FHOD3: variants seen among roughly 807,000 people sequenced by gnomAD.
FHOD3 encodes the protein FH1/FH2 domain-containing protein 3.
FHOD3 carries 90 observed loss-of-function variants against 173.0 expected under a neutral mutation model. The ratio of observed to expected loss-of-function variants is 0.52; its 90% CI spans 0.44 to 0.62. The LOEUF is 0.62. Among genes scored for constraint, FHOD3 ranks in the 20% least tolerant of loss-of-function variants. The probability of loss-of-function intolerance (pLI) is 0.00; values close to 1 mark genes in which losing one functional copy is unlikely to be tolerated. For missense variants in FHOD3, 1,945 were observed against 2,034.7 expected (o/e 0.96, Z 0.85); for synonymous variants, 828 against 823.0 (o/e 1.01, Z -0.10).
intron 3 of FHOD3, among the ~76,000 whole-genome samples, chr18:36,458,429 C>T (rs1419313333): frequency 6.6e-6 from 1 of 152,144 alleles, no homozygotes; most frequent in African/African-American, 2.4e-5. Context: ...TCCAACCACT[C>T]ACCTACCCTT....
At chr18:36,334,345 G>A (rs1257766585) in intron 1 of FHOD3, among the ~76,000 whole-genome samples, 1 of 152,218 alleles carries the variant, frequency 6.6e-6, no homozygotes, top group African/African-American at 2.4e-5. Context: ...ACACTGACAT[G>A]AGCAGCCTCT....
intron 10 of FHOD3, among the ~76,000 whole-genome samples, chr18:36,628,629 A>G (rs919604649): frequency 1.8e-4 from 27 of 152,236 alleles, no homozygotes; most frequent in African/African-American, 6.5e-4. Context: ...TCATTGGTCA[A>G]CTAAAAGCAT....
At chr18:36,380,562 CTTTT>C (rs1275432454) in intron 3 of FHOD3, among the ~76,000 whole-genome samples, 6 of 101,552 alleles carry the variant, frequency 5.9e-5, no homozygotes, top group African/African-American at 2.3e-4. Flanking sequence ...GTTTTCTTTT[CTTTT>C]CTTTTCTTTT....
At chr18:36,311,876 C>T (rs1251750762) in intron 1 of FHOD3, among the ~76,000 whole-genome samples, 1 of 152,210 alleles carries the variant, frequency 6.6e-6, no homozygotes, top group Non-Finnish European at 1.5e-5. Context: ...CCCTTTTCCA[C>T]TGTGTCTTCA....
intron 3 of FHOD3, among the ~76,000 whole-genome samples, chr18:36,468,275 C>T (rs976312257): frequency 3.9e-5 from 6 of 152,282 alleles, no homozygotes; most frequent in East Asian, 1.9e-4. Context: ...CCTCTCCCCT[C>T]GCCTGGGTAA....
At chr18:36,362,648 G>T (rs1304790681) in intron 2 of FHOD3, among the ~76,000 whole-genome samples, 2 of 152,090 alleles carry the variant, frequency 1.3e-5, no homozygotes, top group Admixed American at 1.3e-4. Context: ...CAGGTGAGGA[G>T]AGGACCAGTC....
At chr18:36,315,930 C>G (rs1469550853) in intron 1 of FHOD3, among the ~76,000 whole-genome samples, 7 of 152,134 alleles carry the variant, frequency 4.6e-5, no homozygotes, top group Admixed American at 3.3e-4. Flanking sequence ...AGTGGCAGCT[C>G]TCTGCCCGCT....
chr18:36,456,909 T>C (rs1279001719), intron 3 of FHOD3, among the ~76,000 whole-genome samples: 1 of 152,160 alleles, frequency 6.6e-6, no homozygotes, highest in Non-Finnish European at 1.5e-5. Context: ...GTCTAAGTAT[T>C]CACCTTTTAA....
chr18:36,663,703 T>C (rs1266794228), intron 14 of FHOD3, among the ~76,000 whole-genome samples: 1 of 152,242 alleles, frequency 6.6e-6, no homozygotes, highest in East Asian at 1.9e-4. Context: ...TTATGGAGAC[T>C]TCTCCCTCAG....
At chr18:36,528,803 GTACAGCTCTGCCC>G (rs2056648390) in intron 5 of FHOD3, among the ~76,000 whole-genome samples, 1 of 152,214 alleles carries the variant, frequency 6.6e-6, no homozygotes, top group South Asian at 2.1e-4. Context: ...GACGTTCGTT[GTACAGCTCTGCCC>G]TTTTAGAAAA....
intron 5 of FHOD3, among the ~76,000 whole-genome samples, chr18:36,539,625 G>A (rs187857644): frequency 6.6e-6 from 1 of 152,352 alleles, no homozygotes; most frequent in Admixed American, 6.5e-5. Context: ...TCTTGGCCAA[G>A]TTGTGATGAA....
At chr18:36,728,711 G>T (rs1419985151) in intron 19 of FHOD3, among the ~76,000 whole-genome samples, 2 of 152,176 alleles carry the variant, frequency 1.3e-5, no homozygotes, top group Admixed American at 1.3e-4. Flanking sequence ...CTGGGCTTGA[G>T]CCTGTTTCTC....
In FHOD3 at chr18:36,462,504, T is replaced by C. The variant is rs2144766825; in HGVS notation, c.338-39428T>C. 1.3e-5 allele frequency among the ~76,000 whole-genome samples: 2 copies of C among 152,264 alleles called. 1 individual carries two copies. Among genetic ancestry groups the C allele is most frequent in the Admixed American group, 1.3e-4 (2 of 15,294 alleles). ...CTGCCACCACGCCCAGCTAATTTTT[T>C]GTGTTTTTAGTAGAGATGGGGTTTC... On this transcript the variant is annotated intron_variant, in intron 3 of 28. Coordinates refer to ENST00000590592, the MANE Select transcript of FHOD3 (RefSeq NM_001281740.3).
At chr18:36,735,513 G>A (rs1450459286) in intron 20 of FHOD3, among the ~76,000 whole-genome samples, 6 of 152,198 alleles carry the variant, frequency 3.9e-5, no homozygotes, top group African/African-American at 4.8e-5. Flanking sequence ...CTCTAGCTCC[G>A]CCTTGGTGGA....
intron 20 of FHOD3, among the ~76,000 whole-genome samples, chr18:36,732,424 G>A (rs532054393): frequency 6.6e-6 from 1 of 152,302 alleles, no homozygotes; most frequent in Non-Finnish European, 1.5e-5. Context: ...TACAATAAGG[G>A]AAATGCACTT....
At chr18:36,621,648 G>A (rs2033719598) in intron 9 of FHOD3, among the ~76,000 whole-genome samples, 1 of 152,196 alleles carries the variant, frequency 6.6e-6, no homozygotes. Context: ...TGTGCATCAT[G>A]TTTGTTGATG....
Position 36,297,787 on chromosome 18 carries a change from C to G in FHOD3, c.-49C>G. On this transcript the variant is annotated 5_prime_UTR_variant, in exon 1 of 29. Coordinates refer to ENST00000590592, the MANE Select transcript of FHOD3 (RefSeq NM_001281740.3). Reference sequence around the variant, plus strand: ...GCGCAGCTACCCGGGCGTCCCGGCCCGCGGCCCCGCTAACCCCGGGGCCCG... The same window carrying G: ...GCGCAGCTACCCGGGCGTCCCGGCCGGCGGCCCCGCTAACCCCGGGGCCCG... 2 of 1,452,942 alleles carry G rather than the reference C, an allele frequency of 1.4e-6. No individual in the cohort carries two copies. The highest frequency in any genetic ancestry group is 1.8e-6 in the Non-Finnish European group (2 of 1,096,690). The allele number at this position is 1,452,942 out of a possible 1,614,324, so 90.0% of individuals were successfully genotyped here.
intron 28 of FHOD3, among the ~76,000 whole-genome samples, chr18:36,769,859 G>A (rs2043299780): frequency 1.3e-5 from 2 of 152,122 alleles, no homozygotes; most frequent in South Asian, 4.1e-4. Flanking sequence ...TGGGTTCATC[G>A]CTGCCCACAA....
intron 5 of FHOD3, among the ~76,000 whole-genome samples, chr18:36,564,570 G>A (rs892231760): frequency 2.6e-5 from 4 of 152,162 alleles, no homozygotes; most frequent in Admixed American, 1.3e-4. Flanking sequence ...TTGGGAAGAT[G>A]AATGAATAGG....
Sources: gnomAD v4.1 joint callset for allele counts (sites outside exome capture counted in the v4.1 genomes callset) on GRCh38, gnomAD v4.1.1 for gene constraint, MANE v1.5 for transcripts, NCBI Gene and HGNC (gene_info 2026-07-23, HGNC 2026-07-21) for gene names.